Variants in PKP2 observed in about 807,000 individuals in gnomAD.
PKP2 encodes plakophilin 2.
In PKP2, 73 loss-of-function variants were observed where a neutral mutation model predicts 83.4. That is an observed-to-expected ratio of 0.88 (90% CI 0.72 to 1.06). The LOEUF (loss-of-function observed/expected upper bound fraction) is 1.06. Among genes scored for constraint, PKP2 ranks in the 50% least tolerant of loss-of-function variants. The pLI, the probability that PKP2 is intolerant of heterozygous loss-of-function variation, is 0.00. For missense variants in PKP2, 966 were observed against 1,065.4 expected (o/e 0.91, Z 1.30); for synonymous variants, 409 against 430.4 (o/e 0.95, Z 0.62).
At chr12:32,802,938 C>A (rs1592729834) in intron 9 of PKP2, among the ~76,000 whole-genome samples, 1 of 151,762 alleles carries the variant, frequency 6.6e-6, no homozygotes, top group Non-Finnish European at 1.5e-5. Flanking sequence ...GGATTACAGG[C>A]GTGAACCACC....
At chr12:32,878,574 G>A in intron 2 of PKP2, 31 bp from the exon 3 acceptor site, 2 of 1,554,836 alleles carry the variant, frequency 1.3e-6, no homozygotes, top group Non-Finnish European at 1.8e-6. Context: ...GTTTAAAGGG[G>A]GCATAAATCA....
intron 4 of PKP2, among the ~76,000 whole-genome samples, chr12:32,856,936 C>T (rs1193581561): frequency 6.6e-6 from 1 of 152,098 alleles, no homozygotes; most frequent in African/African-American, 2.4e-5. Context: ...ACTATTTCTA[C>T]TTTATAGGTA....
intron 1 of PKP2, among the ~76,000 whole-genome samples, chr12:32,884,866 G>A (rs1194579675): frequency 6.6e-6 from 1 of 151,794 alleles, no homozygotes; most frequent in Non-Finnish European, 1.5e-5. Context: ...TCACTGAGGA[G>A]CACGATGATA....
intron 6 of PKP2, among the ~76,000 whole-genome samples, chr12:32,825,885 C>A (rs895160920): frequency 3.3e-5 from 5 of 152,002 alleles, no homozygotes; most frequent in African/African-American, 9.7e-5. Flanking sequence ...CAGAGTAAGA[C>A]CCTGTCTAAA....
chr12:32,823,749 C>T (rs527922434), intron 7 of PKP2, among the ~76,000 whole-genome samples: 16 of 151,762 alleles, frequency 1.1e-4, no homozygotes, highest in Admixed American at 2.0e-4. Flanking sequence ...TACAGGTGCC[C>T]GCCACCACGC....
chr12:32,865,599 T>C (rs542284375), intron 4 of PKP2, among the ~76,000 whole-genome samples: 5 of 145,240 alleles, frequency 3.4e-5, no homozygotes, highest in East Asian at 4.5e-4. Flanking sequence ...GGCAGGAGAA[T>C]AGCTTGAACC....
chr12:32,819,945 A>G (rs536662239), intron 9 of PKP2, among the ~76,000 whole-genome samples: 6 of 148,370 alleles, frequency 4.0e-5, no homozygotes, highest in African/African-American at 1.5e-4. Flanking sequence ...GAGGGCTTCT[A>G]TAGTTTAGCA....
At chr12:32,829,670 AT>A (rs1323910612) in intron 6 of PKP2, among the ~76,000 whole-genome samples, 1 of 140,256 alleles carries the variant, frequency 7.1e-6, no homozygotes, top group African/African-American at 2.7e-5. Flanking sequence ...ATTTTATTTT[AT>A]TTTTTTTGAG....
chr12:32,864,551 T>C (rs1259400502), intron 4 of PKP2, among the ~76,000 whole-genome samples: 2 of 152,094 alleles, frequency 1.3e-5, no homozygotes, highest in South Asian at 2.1e-4. Context: ...GATGTTAACA[T>C]GTACCATGGT....
At chr12:32,824,268 C>T (rs1030752611) in intron 6 of PKP2, 106 bp from the exon 7 acceptor site, 5 of 814,596 alleles carry the variant, frequency 6.1e-6, no homozygotes, top group Middle Eastern at 2.2e-4. Flanking sequence ...TGGAAACTGG[C>T]AAATTTGTAA....
At chr12:32,863,837 T>C (rs1447018387) in intron 4 of PKP2, among the ~76,000 whole-genome samples, 2 of 152,178 alleles carry the variant, frequency 1.3e-5, no homozygotes, top group East Asian at 1.9e-4. Context: ...AGACTAGTAT[T>C]ACCCACAACT....
intron 3 of PKP2, among the ~76,000 whole-genome samples, chr12:32,873,910 T>C (rs60549952): frequency 0.19 from 29,229 of 152,000 alleles, 2,812 homozygotes; most frequent in Middle Eastern, 0.25. Context: ...AGCCTCCAAC[T>C]GGTCATAAAT....
chr12:32,863,471 T>G (rs551727007), intron 4 of PKP2: 3 of 191,732 alleles, frequency 1.6e-5, no homozygotes, highest in Non-Finnish European at 1.1e-5. Flanking sequence ...AGTGGATTCG[T>G]AAAAAACAAA....
intron 5 of PKP2, chr12:32,843,345 C>T (rs746750303): frequency 1.5e-6 from 2 of 1,362,588 alleles, no homozygotes; most frequent in Non-Finnish European, 2.0e-6. Flanking sequence ...CATAGGTACT[C>T]AGGGCAGGCT....
chr12:32,850,229 C>T (rs1956683599), intron 5 of PKP2, among the ~76,000 whole-genome samples: 1 of 152,106 alleles, frequency 6.6e-6, no homozygotes, highest in East Asian at 1.9e-4. Context: ...AAGCAAAAGC[C>T]GCAGAACATT....
chr12:32,790,759 G>A lies in PKP2; in HGVS notation c.*1665C>T, dbSNP rs1326490968. On this transcript the variant is annotated 3_prime_UTR_variant, in exon 13 of 13. Transcript: ENST00000340811. ...AGCAACACTACTTTGGTCTCATTTT[G>A]TATTTAATATTATCGAAGGCTTTAT... 3 of 152,068 alleles carry A rather than the reference G, an allele frequency of 2.0e-5. No homozygotes were observed. The highest frequency in any genetic ancestry group is 7.2e-5 in the African/African-American group (3 of 41,400). The allele number at this position is 152,068 out of a possible 1,614,324, so 9.4% of individuals were successfully genotyped here. A position where few individuals can be genotyped will look rare whatever the true frequency, so the allele number is the denominator to read the frequency against.
intron 4 of PKP2, among the ~76,000 whole-genome samples, chr12:32,851,937 A>G (rs888319193): frequency 3.3e-5 from 5 of 152,254 alleles, no homozygotes; most frequent in African/African-American, 7.2e-5. Flanking sequence ...GAGAAAGGGC[A>G]CAACCAGGAA....
intron 4 of PKP2, among the ~76,000 whole-genome samples, chr12:32,866,181 C>G (rs1230075749): frequency 6.6e-6 from 1 of 151,800 alleles, no homozygotes; most frequent in African/African-American, 2.4e-5. Flanking sequence ...AATAAGAAAA[C>G]AAAACAAAAC....
intron 1 of PKP2, among the ~76,000 whole-genome samples, chr12:32,886,437 A>T (rs1957030531): frequency 6.6e-6 from 1 of 152,252 alleles, no homozygotes; most frequent in Admixed American, 6.5e-5. Context: ...CTTAAAAGAA[A>T]GCAGAAAATA....
Sources: allele counts gnomAD v4.1 joint callset (sites outside exome capture counted in the v4.1 genomes callset), GRCh38; gene constraint gnomAD v4.1.1; transcripts MANE v1.5; gene names NCBI Gene and HGNC (gene_info 2026-07-23, HGNC 2026-07-21).